Variants in TFB1M observed in about 807,000 individuals in gnomAD.
The protein encoded by TFB1M is dimethyladenosine transferase 1, mitochondrial.
TFB1M carries 27 observed loss-of-function variants against 31.1 expected under a neutral mutation model. The ratio of observed to expected loss-of-function variants is 0.87; its 90% confidence interval spans 0.64 to 1.20. The LOEUF (loss-of-function observed/expected upper bound fraction) is 1.20, where lower values mean the gene tolerates loss of function less well. Ranked by LOEUF, TFB1M falls within the 50% of genes most tolerant of loss-of-function variation. The pLI is 0.00. For synonymous variants in TFB1M, 166 were observed against 151.8 expected (o/e 1.09, Z -0.69); for missense variants, 394 against 418.7 (o/e 0.94, Z 0.51).
the TFB1M span, chr6:155,248,147 A>T: frequency 1.9e-6 from 3 of 1,614,062 alleles, no homozygotes; most frequent in Non-Finnish European, 2.5e-6. Context: ...TCCCTGACGG[A>T]CCAGGAGAGC....
At chr6:155,305,700 AATATATATTAAATTATATATTTAT>A (rs1562426137) in intron 2 of TFB1M, among the ~76,000 whole-genome samples, 494 of 47,048 alleles carry the variant, frequency 0.01, 20 homozygotes, top group South Asian at 0.02. Flanking sequence ...TTTATATATA[AATATATATTAAATTATATATTTAT>A]ATATATATTA....
rs76974556 is a variant in TFB1M at position 155,264,817 on chromosome 6, A to C, written c.667-4417T>G. ...GATGAAGAGTTTTTTTACTGTGTAAATTATGTAAATGTACATATGTATGTA... is the reference window on the plus strand; with the variant it reads ...GATGAAGAGTTTTTTTACTGTGTAACTTATGTAAATGTACATATGTATGTA... On this transcript the variant is annotated intron_variant, in intron 5 of 6. Transcript: ENST00000367166. 2.4e-3 allele frequency among the ~76,000 whole-genome samples: 358 copies of C among 152,314 alleles called. 2 individuals carry two copies. Among genetic ancestry groups the C allele is most frequent in the African/African-American group, 8.1e-3 (338 of 41,568 alleles).
chr6:155,258,254 C>A (rs183039588), intron 6 of TFB1M, among the ~76,000 whole-genome samples, 172 bp from the exon 7 acceptor site: 1 of 152,314 alleles, frequency 6.6e-6, no homozygotes, highest in African/African-American at 2.4e-5. Context: ...AGGCACGGCC[C>A]GCCACTGAGG....
At chr6:155,230,999 A>ATT in the TFB1M span, among the ~76,000 whole-genome samples, 13 of 146,988 alleles carry the variant, frequency 8.8e-5, no homozygotes, top group East Asian at 8.1e-4. Flanking sequence ...AGCCTGGCTA[A>ATT]TTTTTTTTTT....
Position 155,256,833 on chromosome 6 carries a change from G to A in TFB1M, c.*1003C>T, listed in dbSNP as rs113400640. Reference sequence around the variant, plus strand: ...CCGAGGACCCAGACGTTCACCCCGAGGCTGAGCAGCAGCCTGGCCCGGAGT... The same window carrying A: ...CCGAGGACCCAGACGTTCACCCCGAAGCTGAGCAGCAGCCTGGCCCGGAGT... On this transcript the variant is annotated 3_prime_UTR_variant, in exon 7 of 7. Transcript: ENST00000367166. 2,372 of 1,614,178 alleles carry A rather than the reference G, an allele frequency of 1.5e-3. 37 individuals carry two copies. In the African/African-American group the frequency reaches 0.028, roughly 19 times the overall value.
chr6:155,252,481 TAAGTA>T (rs1379682524), downstream of TFB1M, among the ~76,000 whole-genome samples: 2 of 152,070 alleles, frequency 1.3e-5, no homozygotes, highest in African/African-American at 4.8e-5. Context: ...AATACATAAA[TAAGTA>T]AATAAAGTAG....
chr6:155,310,389 T>A (rs927042689), intron 2 of TFB1M, among the ~76,000 whole-genome samples: 4 of 152,180 alleles, frequency 2.6e-5, no homozygotes, highest in Non-Finnish European at 4.4e-5. Context: ...TTTGCCAGCG[T>A]TTTAAAAAAA....
In TFB1M at chr6:155,257,566, A is replaced by G; in HGVS notation, c.*270T>C. ...TGGTTTAGGGGCAAAATGTGCAGATACTTCATTTTTGTAAGATAGATTGTA... is the reference window on the plus strand; with the variant it reads ...TGGTTTAGGGGCAAAATGTGCAGATGCTTCATTTTTGTAAGATAGATTGTA... On this transcript the variant is annotated 3_prime_UTR_variant, in exon 7 of 7. Coordinates refer to ENST00000367166, the MANE Select transcript of TFB1M (RefSeq NM_016020.4). The G allele has an allele frequency of 2.7e-6, 1 of 367,912 alleles. No homozygotes were observed. The highest frequency in any genetic ancestry group is 6.1e-5 in the Admixed American group (1 of 16,448). 22.8% of individuals were successfully genotyped at this position (367,912 alleles called of 1,614,324 possible). A position where few individuals can be genotyped will look rare whatever the true frequency, so the allele number is the denominator to read the frequency against.
chr6:155,295,124 T>C (rs1777105271), intron 4 of TFB1M, among the ~76,000 whole-genome samples: 1 of 152,174 alleles, frequency 6.6e-6, no homozygotes, highest in Non-Finnish European at 1.5e-5. Context: ...CCCAGCACTT[T>C]GGGAGGCTGA....
chr6:155,257,571 AT>A lies in TFB1M; in HGVS notation c.*264del. 2 of 361,248 alleles carry A rather than the reference AT, an allele frequency of 5.5e-6. No individual in the cohort carries two copies. The highest frequency in any genetic ancestry group is 6.4e-5 in the South Asian group (2 of 31,276). 22.4% of individuals were successfully genotyped at this position (361,248 alleles called of 1,614,324 possible). On this transcript the variant is annotated 3_prime_UTR_variant, in exon 7 of 7. Coordinates refer to ENST00000367166, the MANE Select transcript of TFB1M (RefSeq NM_016020.4). ...TAGGGGCAAAATGTGCAGATACTTC[AT>A]TTTTGTAAGATAGATTGTAATAGAT...
chr6:155,240,467 G>C, the TFB1M span: 5 of 1,510,464 alleles, frequency 3.3e-6, no homozygotes, highest in East Asian at 2.3e-5. Context: ...GGTGCCCTTG[G>C]GGGCAGCGGA....
At chr6:155,241,276 G>A in the TFB1M span, among the ~76,000 whole-genome samples, 2 of 152,210 alleles carry the variant, frequency 1.3e-5, no homozygotes, top group Non-Finnish European at 2.9e-5. Flanking sequence ...CCCAGTCAGT[G>A]GTTTGAGAAA....
intron 4 of TFB1M, among the ~76,000 whole-genome samples, chr6:155,296,147 G>A (rs17814237): frequency 0.078 from 11,925 of 152,198 alleles, 578 homozygotes; most frequent in Non-Finnish European, 0.099. Context: ...TCTGCCATGG[G>A]AATGCAGGCA....
chr6:155,280,380 G>A (rs1407366155), intron 5 of TFB1M, among the ~76,000 whole-genome samples: 5 of 152,300 alleles, frequency 3.3e-5, no homozygotes, highest in African/African-American at 1.2e-4. Flanking sequence ...GCTGGCACAG[G>A]TTCCAATAAG....
chr6:155,299,518 A>G (rs1344212296), intron 2 of TFB1M: 1 of 152,208 alleles, frequency 6.6e-6, no homozygotes, highest in Non-Finnish European at 1.5e-5. Flanking sequence ...AAAAGGCAGG[A>G]GTGAATGTAT....
At chr6:155,267,241 T>C (rs7741233) in intron 5 of TFB1M, among the ~76,000 whole-genome samples, 99,826 of 152,066 alleles carry the variant, frequency 0.66, 33,519 homozygotes, top group East Asian at 0.98. Context: ...TCCCAAAGTG[T>C]TGGGATTATG....
chr6:155,288,204 T>A (rs1429027403), intron 4 of TFB1M, among the ~76,000 whole-genome samples: 2 of 152,242 alleles, frequency 1.3e-5, no homozygotes, highest in Non-Finnish European at 2.9e-5. Flanking sequence ...AAAGCCAACC[T>A]TTCATCTCAT....
chr6:155,251,309 G>A (rs559127021), downstream of TFB1M, among the ~76,000 whole-genome samples: 2 of 152,192 alleles, frequency 1.3e-5, no homozygotes, highest in African/African-American at 2.4e-5. Context: ...TTTCTGAGAC[G>A]AGGTTTTGCT....
the TFB1M span, chr6:155,250,433 C>T: frequency 3.6e-6 from 3 of 837,764 alleles, no homozygotes; most frequent in Admixed American, 6.1e-5. Context: ...CTCAAGCCAG[C>T]ATGCAGGAAG....
Sources: allele counts gnomAD v4.1 joint callset (sites outside exome capture counted in the v4.1 genomes callset), GRCh38; gene constraint gnomAD v4.1.1; transcripts MANE v1.5; gene names NCBI Gene and HGNC (gene_info 2026-07-23, HGNC 2026-07-21).